GRIP1: variants seen among roughly 807,000 people sequenced by gnomAD.
The protein encoded by GRIP1 is glutamate receptor-interacting protein 1.
Under a neutral mutation model 129.9 loss-of-function variants are expected in GRIP1, and 45 were observed. The ratio of observed to expected loss-of-function variants is 0.35; its 90% confidence interval spans 0.27 to 0.44. The LOEUF (loss-of-function observed/expected upper bound fraction) is 0.44, where lower values mean the gene tolerates loss of function less well. GRIP1 is among the 20% of genes least tolerant of loss of function. The pLI is 1.00. For synonymous variants in GRIP1, 530 were observed against 520.8 expected (o/e 1.02, Z -0.24); for missense variants, 1,196 against 1,396.8 (o/e 0.86, Z 2.29).
chr12:66,487,777 G>C (rs536757095), intron 7 of GRIP1, among the ~76,000 whole-genome samples: 1 of 152,244 alleles, frequency 6.6e-6, no homozygotes, highest in East Asian at 1.9e-4. Flanking sequence ...GAAAATAAAG[G>C]GATGGAGGAA....
At chr12:66,964,695 G>A (rs573921313) in intron 1 of GRIP1, among the ~76,000 whole-genome samples, 5 of 152,236 alleles carry the variant, frequency 3.3e-5, no homozygotes, top group South Asian at 4.2e-4. Context: ...CACATACTCC[G>A]ATTATGTGAT....
intron 1 of GRIP1, among the ~76,000 whole-genome samples, chr12:66,944,833 C>T (rs2137462769): frequency 6.6e-6 from 1 of 152,260 alleles, no homozygotes; most frequent in South Asian, 2.1e-4. Context: ...CACTTTGTTG[C>T]CCAGGCTAGA....
intron 23 of GRIP1, among the ~76,000 whole-genome samples, chr12:66,353,855 G>A (rs2054351946): frequency 6.6e-6 from 1 of 152,126 alleles, no homozygotes; most frequent in South Asian, 2.1e-4. Context: ...CTTCCTCAAG[G>A]CAAGTTGACT....
intron 5 of GRIP1, among the ~76,000 whole-genome samples, chr12:66,524,895 C>G (rs1191039283): frequency 1.3e-5 from 2 of 152,250 alleles, no homozygotes; most frequent in South Asian, 2.1e-4. Context: ...GAGAATACTA[C>G]AAATACCTCT....
At chr12:66,520,599 A>G (rs1163408253) in intron 5 of GRIP1, among the ~76,000 whole-genome samples, 1 of 152,198 alleles carries the variant, frequency 6.6e-6, no homozygotes, top group African/African-American at 2.4e-5. Flanking sequence ...GCAGTATTCT[A>G]AGCTCACATT....
intron 9 of GRIP1, among the ~76,000 whole-genome samples, chr12:66,460,340 C>A (rs117474528): frequency 0.022 from 3,421 of 152,266 alleles, 82 homozygotes; most frequent in South Asian, 0.03. Flanking sequence ...ACTTTTCTTT[C>A]TTCTTTCTCT....
intron 5 of GRIP1, among the ~76,000 whole-genome samples, chr12:66,520,293 G>T (rs2060961981): frequency 6.6e-6 from 1 of 152,036 alleles, no homozygotes; most frequent in African/African-American, 2.4e-5. Context: ...TTAAGTGATG[G>T]GTAGTGACCA....
chr12:66,840,583 T>C (rs2137047125), intron 1 of GRIP1, among the ~76,000 whole-genome samples: 1 of 152,350 alleles, frequency 6.6e-6, no homozygotes, highest in South Asian at 2.1e-4. Flanking sequence ...CCAGTGATGT[T>C]ATTATTCACC....
intron 5 of GRIP1, among the ~76,000 whole-genome samples, chr12:66,529,076 A>T (rs1458565206): frequency 6.6e-6 from 1 of 152,222 alleles, no homozygotes; most frequent in Admixed American, 6.5e-5. Flanking sequence ...GGAAATGCAA[A>T]TCAAAACCAC....
chr12:66,403,946 T>C (rs778141316), intron 16 of GRIP1, among the ~76,000 whole-genome samples: 4 of 152,224 alleles, frequency 2.6e-5, no homozygotes, highest in African/African-American at 4.8e-5. Context: ...CTTGGCTTTT[T>C]CACTTTGCAA....
intron 7 of GRIP1, among the ~76,000 whole-genome samples, chr12:66,473,977 T>C (rs2059524977): frequency 2.0e-5 from 3 of 152,040 alleles, no homozygotes; most frequent in South Asian, 4.1e-4. Context: ...GTACAGAGAA[T>C]GAGTTTGATG....
At chr12:66,488,341 C>T (rs1197442705) in intron 7 of GRIP1, among the ~76,000 whole-genome samples, 1 of 152,180 alleles carries the variant, frequency 6.6e-6, no homozygotes, top group Admixed American at 6.5e-5. Context: ...CACACAACTA[C>T]TTGAAAATTT....
intron 7 of GRIP1, among the ~76,000 whole-genome samples, chr12:66,504,370 T>A (rs1467499365): frequency 6.6e-6 from 1 of 152,210 alleles, no homozygotes; most frequent in Non-Finnish European, 1.5e-5. Flanking sequence ...GACAACAAAC[T>A]ATTCTATTAT....
intron 16 of GRIP1, among the ~76,000 whole-genome samples, chr12:66,404,311 C>T (rs2057110773): frequency 6.6e-6 from 1 of 152,090 alleles, no homozygotes; most frequent in Non-Finnish European, 1.5e-5. Flanking sequence ...CTGACATAAC[C>T]GTGAACTCTA....
At chr12:66,995,790 C>A (rs1356071735) in intron 1 of GRIP1, among the ~76,000 whole-genome samples, 2 of 152,082 alleles carry the variant, frequency 1.3e-5, no homozygotes, top group African/African-American at 4.8e-5. Flanking sequence ...TTAAACACAG[C>A]TACCATATGA....
At chr12:66,493,471 T>A (rs2060157961) in intron 7 of GRIP1, among the ~76,000 whole-genome samples, 1 of 152,216 alleles carries the variant, frequency 6.6e-6, no homozygotes, top group Admixed American at 6.5e-5. Flanking sequence ...TATAGACATC[T>A]GTTTTTTTGA....
At chr12:66,889,127 T>G (rs2040613565) in intron 1 of GRIP1, among the ~76,000 whole-genome samples, 1 of 152,198 alleles carries the variant, frequency 6.6e-6, no homozygotes, top group Admixed American at 6.5e-5. Context: ...AGTCTAGTTG[T>G]TTGTCTGTGC....
intron 7 of GRIP1, among the ~76,000 whole-genome samples, chr12:66,485,810 CTTTTT>C (rs147668461): frequency 6.6e-6 from 1 of 151,856 alleles, no homozygotes; most frequent in African/African-American, 2.4e-5. Context: ...GAAAGGGCTA[CTTTTT>C]TTCTCATTGC....
At chr12:66,830,786 T>C (rs1215905240) in intron 1 of GRIP1, among the ~76,000 whole-genome samples, 1 of 151,624 alleles carries the variant, frequency 6.6e-6, no homozygotes, top group Admixed American at 6.6e-5. Context: ...AGATCCAGGA[T>C]TCAAATCCAG....
Sources: allele counts gnomAD v4.1 joint callset (sites outside exome capture counted in the v4.1 genomes callset), GRCh38; gene constraint gnomAD v4.1.1; transcripts MANE v1.5; gene names NCBI Gene and HGNC (gene_info 2026-07-23, HGNC 2026-07-21).